FHAD1: variants seen among roughly 807,000 people sequenced by gnomAD.
The protein encoded by FHAD1 is forkhead-associated domain-containing protein 1.
Under a neutral mutation model 191.3 loss-of-function variants are expected in FHAD1, and 146 were observed. The observed-to-expected ratio is 0.76, with a 90% CI of 0.67 to 0.88. The LOEUF (loss-of-function observed/expected upper bound fraction) is 0.88. Ranked by LOEUF, FHAD1 falls within the 40% of genes least tolerant of loss-of-function variation. FHAD1 has a pLI of 0.00. For missense variants in FHAD1, 1,635 were observed against 1,785.8 expected (o/e 0.92, Z 1.52); for synonymous variants, 616 against 672.3 (o/e 0.92, Z 1.29).
chr1:15,387,711 C>T (rs570692311), intron 31 of FHAD1, among the ~76,000 whole-genome samples: 3 of 152,020 alleles, frequency 2.0e-5, no homozygotes, highest in Non-Finnish European at 4.4e-5. Context: ...TGGCAAAAAC[C>T]CGTCTCTACT....
chr1:15,256,758 T>C (rs1573691555), intron 2 of FHAD1, among the ~76,000 whole-genome samples: 1 of 151,582 alleles, frequency 6.6e-6, no homozygotes, highest in South Asian at 2.1e-4. Context: ...ACAATTGACT[T>C]GTAGGGCAGC....
chr1:15,385,195 T>A (rs941658866), intron 31 of FHAD1, among the ~76,000 whole-genome samples: 14 of 151,856 alleles, frequency 9.2e-5, no homozygotes. Flanking sequence ...TTTTTTTCAG[T>A]GGTGCAAGAC....
intron 28 of FHAD1, among the ~76,000 whole-genome samples, chr1:15,380,347 G>A (rs377452153): frequency 1.3e-5 from 2 of 152,152 alleles, no homozygotes; most frequent in African/African-American, 4.8e-5. Context: ...AGCACTCCCC[G>A]CCTGCAGTTG....
chr1:15,289,273 C>T lies in FHAD1; in HGVS notation c.301-126C>T. On this transcript the variant is annotated intron_variant, in intron 3 of 33. Coordinates refer to ENST00000688493, the MANE Select transcript of FHAD1 (RefSeq NM_001391957.1). This position sits in a 1 kb window ranked among gnomAD's most constrained non-coding sequence, Gnocchi z 4.2. ...AAAGTGTTGGGATTATAGCTGTGTGCCACCCTGCCCGACCGGAAGTGACTC... is the reference window on the plus strand; with the variant it reads ...AAAGTGTTGGGATTATAGCTGTGTGTCACCCTGCCCGACCGGAAGTGACTC... 1 of 1,312,946 alleles carries T rather than the reference C, an allele frequency of 7.6e-7. No individual in the cohort carries two copies. Among genetic ancestry groups the T allele is most frequent in the Non-Finnish European group, 1.0e-6 (1 of 979,024 alleles). The allele number at this position is 1,312,946 out of a possible 1,614,324, so 81.3% of individuals were successfully genotyped here.
At chr1:15,398,512 C>T (rs1324984617), downstream of FHAD1, among the ~76,000 whole-genome samples, 2 of 152,106 alleles carry the variant, frequency 1.3e-5, no homozygotes. Flanking sequence ...AGCTAGTCAA[C>T]TCAAGAGTTG....
chr1:15,354,043 G>A (rs917818152), intron 20 of FHAD1, among the ~76,000 whole-genome samples: 3 of 152,094 alleles, frequency 2.0e-5, no homozygotes, highest in African/African-American at 7.2e-5. Flanking sequence ...GGCAATCATG[G>A]GTTAAATTTA....
At position 15,291,031 on chromosome 1, in the gene FHAD1, T is replaced by A. The variant is rs150585843; in HGVS notation, c.568+1365T>A. On this transcript the variant is annotated intron_variant, in intron 4 of 33. Coordinates refer to ENST00000688493, the MANE Select transcript of FHAD1 (RefSeq NM_001391957.1). ...GCCCAGCCTTAATATGAACATTTTT[T>A]AAACATACAGCAAAGTAAAAATAAT... 5.6e-3 allele frequency among the ~76,000 whole-genome samples: 853 copies of A among 151,960 alleles called. 9 individuals carry two copies. The highest frequency in any genetic ancestry group is 0.02 in the African/African-American group (827 of 41,398).
At chr1:15,317,988 CCT>C (rs1675023596) in intron 10 of FHAD1, 60 bp downstream of exon 10, 1 of 1,069,072 alleles carries the variant, frequency 9.4e-7, no homozygotes, top group Admixed American at 2.1e-5. Context: ...ACTCATCATC[CCT>C]GTTAGTCCTC....
At chr1:15,363,870 A>G (rs1229359795) in intron 23 of FHAD1, 1 of 448,966 alleles carries the variant, frequency 2.2e-6, no homozygotes, top group African/African-American at 2.0e-5. Context: ...GGGATTCAGA[A>G]GCTCCCCCAA....
chr1:15,352,873 C>G lies in FHAD1; in HGVS notation c.2455-4C>G. The G allele has an allele frequency of 1.3e-6, 2 of 1,550,534 alleles. No homozygotes were observed. The highest frequency in any genetic ancestry group is 2.4e-5 in the South Asian group (2 of 84,012). On this transcript the variant is annotated splice_region_variant and splice_polypyrimidine_tract_variant and intron_variant, in intron 19 of 33. Transcript: ENST00000688493. ...GCCCTCAAACCACTTTCATTGACTTCCAGATCTCAGAGAGCAACATTGCGT... is the reference window on the plus strand; with the variant it reads ...GCCCTCAAACCACTTTCATTGACTTGCAGATCTCAGAGAGCAACATTGCGT...
Position 15,310,739 on chromosome 1 carries a change from G to A in FHAD1, c.1039+2003G>A, listed in dbSNP as rs183016181. Among the ~76,000 whole-genome samples, 23 of 152,302 alleles carry A rather than the reference G, an allele frequency of 1.5e-4. 1 individual carries two copies. The highest frequency in any genetic ancestry group is 1.4e-3 in the Admixed American group (22 of 15,300). On this transcript the variant is annotated intron_variant, in intron 7 of 33. Transcript: ENST00000688493. ...GAGAAGCACTGGGCCGGGTTACGCT[G>A]CAGTGACAAACAGTCCCCCAAGTCT...
intron 4 of FHAD1, among the ~76,000 whole-genome samples, chr1:15,291,041 GC>G (rs1280239416): frequency 1.3e-5 from 2 of 150,818 alleles, no homozygotes; most frequent in Non-Finnish European, 2.9e-5. Flanking sequence ...TAAACATACA[GC>G]AAAGTAAAAA....
chr1:15,381,252 C>T lies in FHAD1; in HGVS notation c.3823C>T (p.Leu1275Phe), dbSNP rs1212613424. 6.4e-7 allele frequency: 1 copy of T among 1,551,476 alleles called. No homozygotes were observed. Among genetic ancestry groups the T allele is most frequent in the African/African-American group, 1.4e-5 (1 of 73,008 alleles). ...EKLYLDMSKT[L>F]GSLMNIKNMS... ...GTAGTACCTGGATATGAGCAAAACC[C>T]TCGGAAGTCTCATGAACATCAAGAA... Residue 1275 changes from leucine (L) to phenylalanine (F), a missense_variant, in exon 30 of 34, where the codon CTC becomes TTC. Transcript: ENST00000688493. This position sits in a 1 kb window ranked among gnomAD's most constrained non-coding sequence, Gnocchi z 4.6.
intron 2 of FHAD1, among the ~76,000 whole-genome samples, chr1:15,267,282 C>G (rs1197291025): frequency 6.6e-6 from 1 of 152,112 alleles, no homozygotes; most frequent in South Asian, 2.1e-4. Context: ...CAAATCAGTT[C>G]TTGAATACCT....
chr1:15,301,500 G>A lies in FHAD1; in HGVS notation c.915+59G>A, dbSNP rs1668756566. 6 of 1,474,962 alleles carry A rather than the reference G, an allele frequency of 4.1e-6. No homozygotes were observed. The East Asian group carries it at 1.2e-4, about 30-fold the overall frequency. 91.4% of individuals were successfully genotyped at this position (1,474,962 alleles called of 1,614,324 possible). A position where few individuals can be genotyped will look rare whatever the true frequency, so the allele number is the denominator to read the frequency against. ...CAGGCCAAGGCCCGGGAGGCCCCAG[G>A]ACCACCAACCAAGGTGAGCCACCCA... On this transcript the variant is annotated intron_variant, in intron 6 of 33. Coordinates refer to ENST00000688493, the MANE Select transcript of FHAD1 (RefSeq NM_001391957.1).
Position 15,333,322 on chromosome 1 carries a change from TGAG to T in FHAD1, c.1906+3787_1906+3789del, listed in dbSNP as rs370893652. Among the ~76,000 whole-genome samples, 317 of 151,692 alleles carry T rather than the reference TGAG, an allele frequency of 2.1e-3. 2 individuals are homozygous for T. The highest frequency in any genetic ancestry group is 7.1e-3 in the African/African-American group (292 of 41,350). ...AGAAGGAGGAGCGGGAAGAGGAAGA[TGAG>T]GAGGAAGGATGGGGAGGAGGAGGGA... On this transcript the variant is annotated intron_variant, in intron 14 of 33. Transcript: ENST00000688493.
intron 3 of FHAD1, among the ~76,000 whole-genome samples, chr1:15,285,818 A>G (rs1393963486): frequency 6.6e-6 from 1 of 152,228 alleles, no homozygotes; most frequent in Non-Finnish European, 1.5e-5. Flanking sequence ...GGACAGATGA[A>G]TGGATAAATA....
At chr1:15,268,586 G>A (rs1017807138) in intron 2 of FHAD1, among the ~76,000 whole-genome samples, 6 of 141,654 alleles carry the variant, frequency 4.2e-5, no homozygotes, top group Admixed American at 3.6e-4. Context: ...CTTCCACAAT[G>A]GTTGAACTAG....
chr1:15,368,697 T>C (rs1448432041), intron 25 of FHAD1, among the ~76,000 whole-genome samples: 2 of 152,172 alleles, frequency 1.3e-5, no homozygotes, highest in African/African-American at 4.8e-5. Flanking sequence ...CCCAGCACTT[T>C]GGGAGGCTGA....
Sources: gnomAD v4.1 joint callset for allele counts (sites outside exome capture counted in the v4.1 genomes callset) on GRCh38, gnomAD v4.1.1 for gene constraint, Gnocchi (gnomAD v3.1) non-coding constraint, MANE v1.5 for transcripts, NCBI Gene and HGNC (gene_info 2026-07-23, HGNC 2026-07-21) for gene names.